SH3RF2: variants seen among roughly 807,000 people sequenced by gnomAD.
SH3RF2 encodes the protein E3 ubiquitin-protein ligase SH3RF2.
A neutral mutation model predicts 59.0 loss-of-function variants in SH3RF2; 43 were observed. That is an observed-to-expected ratio of 0.73 (90% CI 0.57 to 0.94). The LOEUF (loss-of-function observed/expected upper bound fraction) is 0.94. Among genes scored for constraint, SH3RF2 ranks in the 40% least tolerant of loss-of-function variants. The pLI is 0.00. For synonymous variants in SH3RF2, 391 were observed against 391.5 expected (o/e 1.00, Z 0.01); for missense variants, 930 against 940.1 (o/e 0.99, Z 0.14).
intron 2 of SH3RF2, among the ~76,000 whole-genome samples, chr5:145,971,883 G>C (rs1029943964): frequency 4.6e-5 from 6 of 131,774 alleles, no homozygotes; most frequent in Admixed American, 7.0e-5. Context: ...TGATGATGAT[G>C]ATGATGATGA....
intron 2 of SH3RF2, chr5:145,997,797 A>C: frequency 6.5e-7 from 1 of 1,545,802 alleles, no homozygotes; most frequent in Non-Finnish European, 8.9e-7. Flanking sequence ...CTAAAGAAAA[A>C]AAATTAAGCT....
At chr5:145,950,430 C>T (rs1758150338) in intron 2 of SH3RF2, among the ~76,000 whole-genome samples, 1 of 152,138 alleles carries the variant, frequency 6.6e-6, no homozygotes, top group Admixed American at 6.5e-5. Flanking sequence ...TAATCCCTAG[C>T]CAATCTAACT....
At chr5:146,040,666 C>T (rs923132223) in intron 5 of SH3RF2, among the ~76,000 whole-genome samples, 1 of 152,018 alleles carries the variant, frequency 6.6e-6, no homozygotes, top group African/African-American at 2.4e-5. Flanking sequence ...TTGAGATGAA[C>T]CTAAAGGGAC....
intron 5 of SH3RF2, among the ~76,000 whole-genome samples, chr5:146,017,798 CCA>C (rs1761163014): frequency 6.6e-6 from 1 of 152,124 alleles, no homozygotes; most frequent in Admixed American, 6.5e-5. Context: ...CTCCTAGAGC[CCA>C]CACTCAATCA....
At position 145,985,838 on chromosome 5, in the gene SH3RF2, C is replaced by T. The variant is rs893034919; in HGVS notation, c.379-14220C>T. 6.6e-5 allele frequency among the ~76,000 whole-genome samples: 10 copies of T among 151,896 alleles called. No individual in the cohort carries two copies. In the East Asian group the frequency reaches 1.4e-3, roughly 21 times the overall value. ...GCAATATAGCAAGACCCCATCTCTA[C>T]AAAACAAAAATAAAAATTAGCTGGG... On this transcript the variant is annotated intron_variant, in intron 2 of 9. Transcript: ENST00000359120.
chr5:146,045,210 G>A (rs1477114669), intron 5 of SH3RF2, among the ~76,000 whole-genome samples: 1 of 152,190 alleles, frequency 6.6e-6, no homozygotes, highest in African/African-American at 2.4e-5. Flanking sequence ...TGTCATGTCT[G>A]TTTGAAGGAA....
chr5:146,072,695 C>A (rs1763264044), intron 9 of SH3RF2, among the ~76,000 whole-genome samples: 1 of 152,078 alleles, frequency 6.6e-6, no homozygotes, highest in Non-Finnish European at 1.5e-5. Context: ...GAATCTCTTA[C>A]TAGCTGCCAT....
chr5:145,943,772 A>T (rs1335883411), intron 2 of SH3RF2, among the ~76,000 whole-genome samples: 1 of 152,206 alleles, frequency 6.6e-6, no homozygotes, highest in Non-Finnish European at 1.5e-5. Flanking sequence ...CCCAATAAAC[A>T]GCTCACTCCC....
intron 5 of SH3RF2, among the ~76,000 whole-genome samples, chr5:146,014,755 A>G (rs1481072165): frequency 6.6e-6 from 1 of 152,248 alleles, no homozygotes; most frequent in African/African-American, 2.4e-5. Context: ...GACTAGCACC[A>G]TGATGCCCAC....
rs1022465233 is a variant in SH3RF2, at chr5:145,937,864, T to A, written c.-65T>A. On this transcript the variant is annotated 5_prime_UTR_variant, in exon 2 of 10. Transcript: ENST00000359120. ...TCTCAAGAGACCAGCTCTGCCCCCG[T>A]GGCTCAACTGACCCTACCATGTGGA... is the stretch of plus-strand genomic sequence containing the variant. 6.5e-7 allele frequency: 1 copy of A among 1,542,572 alleles called. No individual in the cohort carries two copies. Among genetic ancestry groups the A allele is most frequent in the Non-Finnish European group, 8.7e-7 (1 of 1,146,754 alleles).
At chr5:146,067,585 G>A (rs559634816), downstream of SH3RF2, among the ~76,000 whole-genome samples, 1 of 152,346 alleles carries the variant, frequency 6.6e-6, no homozygotes, top group Non-Finnish European at 1.5e-5. Context: ...CTGGGTGTCT[G>A]TTTTTAACAA....
At chr5:146,065,612 T>C (rs772440603), downstream of SH3RF2, among the ~76,000 whole-genome samples, 2 of 152,220 alleles carry the variant, frequency 1.3e-5, no homozygotes, top group African/African-American at 2.4e-5. Flanking sequence ...ATAACCTCTC[T>C]GAGAGATGCA....
chr5:145,975,564 T>C (rs1759256101), intron 2 of SH3RF2, among the ~76,000 whole-genome samples: 1 of 152,206 alleles, frequency 6.6e-6, no homozygotes, highest in Non-Finnish European at 1.5e-5. Context: ...TTTGACTTGA[T>C]AACAGCCCCA....
intron 6 of SH3RF2, among the ~76,000 whole-genome samples, chr5:146,048,349 A>T (rs970365435): frequency 1.3e-5 from 2 of 151,742 alleles, no homozygotes; most frequent in Non-Finnish European, 2.9e-5. Flanking sequence ...TTAGCAAACC[A>T]CATCACTCTT....
At chr5:145,970,729 T>A (rs1486377149) in intron 2 of SH3RF2, among the ~76,000 whole-genome samples, 4 of 152,162 alleles carry the variant, frequency 2.6e-5, no homozygotes, top group Non-Finnish European at 2.9e-5. Context: ...CAAAATAGAC[T>A]AAGACACCTA....
At chr5:146,064,658 GAGAAAGAGAAAGAAAGAAAGAA>G (rs1308243037), downstream of SH3RF2, among the ~76,000 whole-genome samples, 527 of 25,188 alleles carry the variant, frequency 0.021, 67 homozygotes, top group South Asian at 0.055. Context: ...AAGAGAGAGA[GAGAAAGAGAAAGAAAGAAAGAA>G]AGAAAGAAAG....
intron 2 of SH3RF2, among the ~76,000 whole-genome samples, chr5:145,942,994 G>A (rs1757875590): frequency 6.6e-6 from 1 of 151,802 alleles, no homozygotes; most frequent in Admixed American, 6.6e-5. Context: ...TATATAATAG[G>A]AATAATAAAG....
chr5:146,019,517 G>T (rs6876287), intron 5 of SH3RF2, among the ~76,000 whole-genome samples: 1 of 151,974 alleles, frequency 6.6e-6, no homozygotes, highest in Non-Finnish European at 1.5e-5. Context: ...CTATAGCCTT[G>T]TAATATAATC....
chr5:146,029,340 T>A (rs1761659563), intron 5 of SH3RF2, among the ~76,000 whole-genome samples: 1 of 152,196 alleles, frequency 6.6e-6, no homozygotes, highest in Non-Finnish European at 1.5e-5. Context: ...GCATCTCACA[T>A]GCTAACTCAA....
Sources: allele counts gnomAD v4.1 joint callset (sites outside exome capture counted in the v4.1 genomes callset), GRCh38; gene constraint gnomAD v4.1.1; transcripts MANE v1.5; gene names NCBI Gene and HGNC (gene_info 2026-07-23, HGNC 2026-07-21).